Variants in PDE1C observed in about 807,000 individuals in gnomAD.
PDE1C encodes phosphodiesterase 1C.
In PDE1C, 62 loss-of-function variants were observed where a neutral mutation model predicts 93.1. The ratio of observed to expected loss-of-function variants is 0.67; its 90% CI spans 0.54 to 0.82. The LOEUF is 0.82. PDE1C is among the 40% of genes least tolerant of loss of function. PDE1C has a pLI of 0.00. For missense variants in PDE1C, 742 were observed against 884.6 expected (o/e 0.84, Z 2.04); for synonymous variants, 325 against 310.1 (o/e 1.05, Z -0.50).
rs56323846 is a variant in PDE1C, at chr7:31,831,498, G to GCA, written c.1204-3127_1204-3126dup. Among the ~76,000 whole-genome samples the GCA allele has an allele frequency of 9.2e-4, 137 of 149,082 alleles. 1 individual carries two copies. Among genetic ancestry groups the GCA allele is most frequent in the African/African-American group, 3.0e-3 (120 of 39,936 alleles). On this transcript the variant is annotated intron_variant, in intron 11 of 17. Transcript: ENST00000396191. ...AAGGCACACACACACACACATGCAC[G>GCA]CACACACACACACACACACACGCAC...
chr7:31,887,850 T>C (rs1798145233), intron 2 of PDE1C, among the ~76,000 whole-genome samples: 1 of 152,170 alleles, frequency 6.6e-6, no homozygotes, highest in African/African-American at 2.4e-5. Flanking sequence ...GAAATAGATT[T>C]CTAAATAACC....
At position 31,753,353 on chromosome 7, in the gene PDE1C, C is replaced by G. The variant is rs1449327193; in HGVS notation, c.*31G>C. 6.3e-7 allele frequency: 1 copy of G among 1,598,268 alleles called. No homozygotes were observed. The highest frequency in any genetic ancestry group is 8.5e-7 in the Non-Finnish European group (1 of 1,172,638). ...GTGCTGAGAAGCAGATAGGTAGACC[C>G]TCCTTCACTCCCTCTCTTCTTCCCC... On this transcript the variant is annotated 3_prime_UTR_variant, in exon 18 of 18. Transcript: ENST00000396191.
In PDE1C at chr7:32,047,094, G is replaced by A. The variant is rs1043816944; in HGVS notation, c.128+4460C>T. Among the ~76,000 whole-genome samples the A allele has an allele frequency of 2.4e-5, 3 of 123,112 alleles. No individual in the cohort carries two copies. The South Asian group carries it at 7.9e-4, about 32-fold the overall frequency. 80.8% of individuals were successfully genotyped at this position (123,112 alleles called of 152,430 possible). ...GTGTGTGTGTGTGTGTGTGTGTGTT[G>A]GAAGCACCTCTATCATAGATTCAGC... is the stretch of plus-strand genomic sequence containing the variant. On this transcript the variant is annotated intron_variant, in intron 2 of 17. Transcript: ENST00000396191.
intron 2 of PDE1C, among the ~76,000 whole-genome samples, chr7:31,978,708 G>T (rs1287874830): frequency 6.6e-6 from 1 of 152,290 alleles, no homozygotes; most frequent in East Asian, 1.9e-4. Context: ...TGATGCCAGG[G>T]ATGTTGGAAC....
At chr7:32,413,798 C>G (rs1785220217) in intron 1 of PDE1C, among the ~76,000 whole-genome samples, 1 of 151,956 alleles carries the variant, frequency 6.6e-6, no homozygotes, top group African/African-American at 2.4e-5. Flanking sequence ...ATGAAAAAAT[C>G]CTTTATAACC....
intron 3 of PDE1C, among the ~76,000 whole-genome samples, chr7:32,099,024 T>C (rs1482667071): frequency 6.6e-6 from 1 of 152,216 alleles, no homozygotes; most frequent in Non-Finnish European, 1.5e-5. Flanking sequence ...TTCTATGTTA[T>C]ATATATTTTG....
At chr7:31,981,727 A>G (rs891344018) in intron 2 of PDE1C, among the ~76,000 whole-genome samples, 5 of 152,238 alleles carry the variant, frequency 3.3e-5, no homozygotes, top group African/African-American at 1.2e-4. Flanking sequence ...ATAACACTAC[A>G]CACATATAGT....
chr7:31,619,982 C>T, the PDE1C span, among the ~76,000 whole-genome samples: 10 of 152,194 alleles, frequency 6.6e-5, no homozygotes, highest in Admixed American at 2.0e-4. Context: ...GCGGGTCCTA[C>T]GCCCACGGAG....
chr7:31,866,759 TG>T (rs1795346549), intron 6 of PDE1C, among the ~76,000 whole-genome samples: 1 of 152,106 alleles, frequency 6.6e-6, no homozygotes, highest in African/African-American at 2.4e-5. Flanking sequence ...AATCAAGGCA[TG>T]GATTGGCTGG....
chr7:31,865,349 A>G (rs1032095667), intron 6 of PDE1C, among the ~76,000 whole-genome samples: 5 of 152,222 alleles, frequency 3.3e-5, no homozygotes, highest in African/African-American at 1.2e-4. Context: ...GATCATTTTA[A>G]GATACTTAGT....
chr7:31,642,694 C>T, the PDE1C span: 6 of 1,613,112 alleles, frequency 3.7e-6, no homozygotes, highest in African/African-American at 1.3e-5. Flanking sequence ...GCCTTCCTTG[C>T]CAAACAGCCA....
intron 1 of PDE1C, among the ~76,000 whole-genome samples, chr7:32,223,549 A>C (rs6966467): frequency 1.3e-5 from 2 of 152,178 alleles, no homozygotes; most frequent in Non-Finnish European, 2.9e-5. Flanking sequence ...CAGCTGAAAC[A>C]TCATGTCCCC....
chr7:32,205,429 T>C (rs1383082392), intron 2 of PDE1C, among the ~76,000 whole-genome samples: 2 of 152,198 alleles, frequency 1.3e-5, no homozygotes, highest in Non-Finnish European at 2.9e-5. Context: ...CAGTGCTCTG[T>C]GTCTGGCTAA....
At chr7:32,321,056 T>C (rs1783281907) in intron 1 of PDE1C, among the ~76,000 whole-genome samples, 1 of 152,244 alleles carries the variant, frequency 6.6e-6, no homozygotes, top group Admixed American at 6.5e-5. Context: ...ATCCCTGTGA[T>C]ACAGCAGTCC....
chr7:31,620,961 C>G, the PDE1C span, among the ~76,000 whole-genome samples: 3 of 151,866 alleles, frequency 2.0e-5, no homozygotes, highest in South Asian at 6.2e-4. Context: ...GTGAAGAATG[C>G]AGAAGCCTCA....
At chr7:31,724,407 C>G in the PDE1C span, among the ~76,000 whole-genome samples, 1 of 152,176 alleles carries the variant, frequency 6.6e-6, no homozygotes, top group Non-Finnish European at 1.5e-5. Context: ...CTTCTACTTA[C>G]AAGAAAAGTC....
the PDE1C span, among the ~76,000 whole-genome samples, chr7:31,668,494 TA>T: frequency 0.73 from 110,113 of 151,002 alleles, 40,093 homozygotes; most frequent in South Asian, 0.77. Context: ...TCTTCAGCAA[TA>T]AAAAAAAAAG....
At chr7:32,095,146 A>G (rs763038466) in intron 3 of PDE1C, among the ~76,000 whole-genome samples, 3 of 152,210 alleles carry the variant, frequency 2.0e-5, no homozygotes, top group Non-Finnish European at 4.4e-5. Flanking sequence ...ATTTATAATA[A>G]ATGCTTGCTG....
chr7:31,617,974 T>TATTG, the PDE1C span, among the ~76,000 whole-genome samples: 37 of 152,174 alleles, frequency 2.4e-4, no homozygotes, highest in Non-Finnish European at 4.3e-4. Flanking sequence ...GAAGCACACA[T>TATTG]ATTGATTGTC....
Sources: gnomAD v4.1 joint callset for allele counts (sites outside exome capture counted in the v4.1 genomes callset) on GRCh38, gnomAD v4.1.1 for gene constraint, MANE v1.5 for transcripts, NCBI Gene and HGNC (gene_info 2026-07-23, HGNC 2026-07-21) for gene names.